Variants in SEMA3C observed in about 807,000 individuals in gnomAD.
SEMA3C encodes semaphorin-3C.
Under a neutral mutation model 89.4 loss-of-function variants are expected in SEMA3C, and 47 were observed. The ratio of observed to expected loss-of-function variants is 0.53; its 90% confidence interval spans 0.42 to 0.67. SEMA3C has a LOEUF of 0.67. SEMA3C is among the 30% of genes least tolerant of loss of function. SEMA3C has a pLI of 0.00. For missense variants in SEMA3C, 839 were observed against 929.1 expected (o/e 0.90, Z 1.26); for synonymous variants, 310 against 320.2 (o/e 0.97, Z 0.34).
Position 80,872,824 on chromosome 7 carries a change from T to C in SEMA3C, c.103+43855A>G, listed in dbSNP as rs548695310. Among the ~76,000 whole-genome samples the C allele has an allele frequency of 1.1e-4, 16 of 141,056 alleles. 2 individuals are homozygous for C. The South Asian group carries it at 3.3e-3, about 30-fold the overall frequency. 92.5% of individuals were successfully genotyped at this position (141,056 alleles called of 152,430 possible). A position where few individuals can be genotyped will look rare whatever the true frequency, so the allele number is the denominator to read the frequency against. On this transcript the variant is annotated intron_variant, in intron 2 of 17. Transcript: ENST00000265361. ...AAAAAAAAAAAAAAAAAAAAAAAGA[T>C]TGCTGAATTCTCATATTGCTTCTGT...
intron 11 of SEMA3C, among the ~76,000 whole-genome samples, chr7:80,792,616 C>A (rs186281177): frequency 1.3e-5 from 2 of 152,196 alleles, no homozygotes; most frequent in East Asian, 3.9e-4. Flanking sequence ...TGCTCAAAAC[C>A]ATAGTTATTA....
chr7:80,831,142 A>G (rs889174485), intron 2 of SEMA3C, among the ~76,000 whole-genome samples: 9 of 152,196 alleles, frequency 5.9e-5, no homozygotes, highest in Non-Finnish European at 1.2e-4. Context: ...CTCTTAATAA[A>G]TAATTGTGGA....
rs760433044 is a variant in SEMA3C at position 80,789,455 on chromosome 7, C to T, written c.1205G>A (p.Arg402Gln). 19 of 1,613,746 alleles carry T rather than the reference C, an allele frequency of 1.2e-5. No individual in the cohort carries two copies. In the East Asian group the frequency reaches 2.0e-4, roughly 17 times the overall value. The change falls in exon 12 of 18, where the codon CGG becomes CAG. Residue 402 changes from arginine to glutamine, a missense_variant. Physicochemically the swap from Arg to Gln is conservative, Grantham distance 43. Transcript: ENST00000265361. ...EFPDDVVTFI[R>Q]NHPLMYNSIY... is the part of the protein sequence containing the mutation. ...GGAATTGTACATGAGAGGATGGTTC[C>T]GAATAAAAGTGACAACATCATCTGG...
rs1469611817 is a variant in SEMA3C at position 80,744,850 on chromosome 7, C to T, written c.*44G>A. 12 of 1,603,350 alleles carry T rather than the reference C, an allele frequency of 7.5e-6. No homozygotes were observed. Among genetic ancestry groups the T allele is most frequent in the Middle Eastern group, 1.7e-4 (1 of 5,826 alleles). ...TTGCTCAAAATTTGATCATTGAAGA[C>T]AGAGCATTTGTTAATGGAAGCATAA... On this transcript the variant is annotated 3_prime_UTR_variant, in exon 18 of 18. Coordinates refer to ENST00000265361, the MANE Select transcript of SEMA3C (RefSeq NM_006379.5).
chr7:80,889,403 T>C (rs891664925), intron 2 of SEMA3C, among the ~76,000 whole-genome samples: 8 of 152,194 alleles, frequency 5.3e-5, no homozygotes, highest in Admixed American at 3.9e-4. Flanking sequence ...TGAATAAATC[T>C]TCAAATAATT....
At chr7:80,889,479 C>T (rs1413103530) in intron 2 of SEMA3C, among the ~76,000 whole-genome samples, 1 of 152,088 alleles carries the variant, frequency 6.6e-6, no homozygotes, top group Non-Finnish European at 1.5e-5. Flanking sequence ...TATTACAACA[C>T]ATTCCTGTGA....
intron 2 of SEMA3C, among the ~76,000 whole-genome samples, chr7:80,885,850 C>T (rs2116123207): frequency 6.6e-6 from 1 of 152,322 alleles, no homozygotes; most frequent in Admixed American, 6.5e-5. Context: ...ATATTTGCAA[C>T]CTCTGCTGCT....
At chr7:80,831,021 T>C (rs911898339) in intron 2 of SEMA3C, among the ~76,000 whole-genome samples, 2 of 152,204 alleles carry the variant, frequency 1.3e-5, no homozygotes, top group Non-Finnish European at 2.9e-5. Context: ...CCAGGTGTTT[T>C]ATAACGCTTA....
chr7:80,813,549 T>C (rs1789520927), intron 5 of SEMA3C, among the ~76,000 whole-genome samples: 1 of 152,246 alleles, frequency 6.6e-6, no homozygotes, highest in Admixed American at 6.5e-5. Context: ...TATTTAGTAA[T>C]GTAATATTAT....
chr7:80,763,589 A>G (rs1788233660), intron 13 of SEMA3C, among the ~76,000 whole-genome samples: 4 of 152,206 alleles, frequency 2.6e-5, no homozygotes, highest in Admixed American at 2.6e-4. Context: ...TTAGCATGTG[A>G]TCAGACTAAC....
chr7:80,802,653 ATATG>A lies in SEMA3C; in HGVS notation c.916+8_916+11del, dbSNP rs1789236194. On this transcript the variant is annotated splice_region_variant and intron_variant, in intron 9 of 17. Coordinates refer to ENST00000265361, the MANE Select transcript of SEMA3C (RefSeq NM_006379.5). ...TCTTTCAGAAGCATTTTTCAATCTCATATGTATGTACCTAATTCATCAAAGTGTG... is the reference window on the plus strand; with the variant it reads ...TCTTTCAGAAGCATTTTTCAATCTCATATGTACCTAATTCATCAAAGTGTG... The A allele has an allele frequency of 1.3e-6, 2 of 1,574,762 alleles. No individual in the cohort carries two copies. Among genetic ancestry groups the A allele is most frequent in the African/African-American group, 2.7e-5 (2 of 74,214 alleles).
chr7:80,909,131 A>T (rs1216415476), intron 2 of SEMA3C, among the ~76,000 whole-genome samples: 1 of 152,090 alleles, frequency 6.6e-6, no homozygotes, highest in Admixed American at 6.6e-5. Flanking sequence ...ACTCAGATAT[A>T]TATCCTCTCT....
At chr7:80,906,076 CTT>C (rs745496981) in intron 2 of SEMA3C, among the ~76,000 whole-genome samples, 3 of 151,948 alleles carry the variant, frequency 2.0e-5, no homozygotes, top group Non-Finnish European at 4.4e-5. Context: ...CTTTTTTTCT[CTT>C]ATCGATCCAT....
At chr7:80,750,213 G>A (rs944330408) in intron 16 of SEMA3C, among the ~76,000 whole-genome samples, 1 of 151,660 alleles carries the variant, frequency 6.6e-6, no homozygotes, top group South Asian at 2.1e-4. Context: ...TTACTTGGTG[G>A]GACTGAGGCA....
chr7:80,901,828 C>T (rs1047387992), intron 2 of SEMA3C, among the ~76,000 whole-genome samples: 1 of 152,146 alleles, frequency 6.6e-6, no homozygotes, highest in African/African-American at 2.4e-5. Flanking sequence ...TAAATTTATA[C>T]CTCCCACAAA....
In SEMA3C at chr7:80,837,861, G is replaced by A. The variant is rs907376406; in HGVS notation, c.104-9116C>T. Among the ~76,000 whole-genome samples, 14 of 152,006 alleles carry A rather than the reference G, an allele frequency of 9.2e-5. No homozygotes were observed. The East Asian group carries it at 2.7e-3, about 29-fold the overall frequency. On this transcript the variant is annotated intron_variant, in intron 2 of 17. Coordinates refer to ENST00000265361, the MANE Select transcript of SEMA3C (RefSeq NM_006379.5). ...GGCTGCCTGGAAGGTCATCTGAAAT[G>A]GTCTACAATGTCCTGGATTGTGGGG...
At chr7:80,836,208 A>G (rs1036050579) in intron 2 of SEMA3C, among the ~76,000 whole-genome samples, 31 of 152,214 alleles carry the variant, frequency 2.0e-4, no homozygotes, top group African/African-American at 7.0e-4. Flanking sequence ...GAGAGGCAGC[A>G]TGAAAATGGT....
chr7:80,911,843 C>G (rs990352873), intron 2 of SEMA3C, among the ~76,000 whole-genome samples: 10 of 152,194 alleles, frequency 6.6e-5, no homozygotes, highest in African/African-American at 2.4e-4. Flanking sequence ...CCACGATAGC[C>G]AGCATGATCT....
At chr7:80,898,054 A>G (rs1213224897) in intron 2 of SEMA3C, among the ~76,000 whole-genome samples, 1 of 152,130 alleles carries the variant, frequency 6.6e-6, no homozygotes, top group African/African-American at 2.4e-5. Flanking sequence ...TTTCTAAAAT[A>G]TATCGTAGAT....
Sources: allele counts gnomAD v4.1 joint callset (sites outside exome capture counted in the v4.1 genomes callset), GRCh38; gene constraint gnomAD v4.1.1; transcripts MANE v1.5; gene names NCBI Gene and HGNC (gene_info 2026-07-23, HGNC 2026-07-21).